The following FSTL5 variants were observed in gnomAD, a reference collection of about 807,000 sequenced individuals.
FSTL5 encodes follistatin-related protein 5.
In FSTL5, 62 loss-of-function variants were observed where a neutral mutation model predicts 89.1. The observed-to-expected ratio is 0.70, with a 90% confidence interval of 0.57 to 0.86. FSTL5 has a LOEUF of 0.86. FSTL5 is among the 40% of genes least tolerant of loss of function. The pLI is 0.00. For synonymous variants in FSTL5, 383 were observed against 346.2 expected, an observed-to-expected ratio of 1.11 and a Z score of -1.18; for missense variants, 1,057 against 1,001.6, an observed-to-expected ratio of 1.06 and a Z score of -0.75.
intron 1 of FSTL5, among the ~76,000 whole-genome samples, chr4:162,127,869 C>A (rs1343781221): frequency 6.6e-6 from 1 of 152,042 alleles, no homozygotes; most frequent in Non-Finnish European, 1.5e-5. Flanking sequence ...ATTGGAAGAT[C>A]ATTAATGGAA....
intron 4 of FSTL5, among the ~76,000 whole-genome samples, chr4:161,834,414 C>A (rs923841954): frequency 4.6e-5 from 7 of 152,146 alleles, no homozygotes; most frequent in African/African-American, 1.7e-4. Context: ...CCCTCTCTCA[C>A]CACTCCTATT....
chr4:162,118,808 T>G (rs1731747909), intron 1 of FSTL5, among the ~76,000 whole-genome samples: 1 of 151,974 alleles, frequency 6.6e-6, no homozygotes, highest in Non-Finnish European at 1.5e-5. Context: ...CAGATGGTAC[T>G]TAATTCTCCA....
At chr4:162,124,763 G>A (rs958677020) in intron 1 of FSTL5, among the ~76,000 whole-genome samples, 2 of 152,010 alleles carry the variant, frequency 1.3e-5, no homozygotes, top group East Asian at 1.9e-4. Flanking sequence ...GCAGTGGTGC[G>A]ATCTCAGCTC....
chr4:161,860,708 C>G (rs1414124843), intron 4 of FSTL5, among the ~76,000 whole-genome samples: 1 of 152,014 alleles, frequency 6.6e-6, no homozygotes, highest in African/African-American at 2.4e-5. Context: ...GGGAGTAAAG[C>G]CTTTATTTTT....
At chr4:161,736,807 C>A (rs142709130) in intron 6 of FSTL5, among the ~76,000 whole-genome samples, 1 of 151,980 alleles carries the variant, frequency 6.6e-6, no homozygotes, top group Non-Finnish European at 1.5e-5. Flanking sequence ...TCTGTGGATA[C>A]GTGATCCTGT....
intron 2 of FSTL5, among the ~76,000 whole-genome samples, chr4:162,038,348 A>C (rs1737817710): frequency 1.3e-5 from 2 of 152,008 alleles, no homozygotes; most frequent in Admixed American, 1.3e-4. Context: ...TAAAAGCTTT[A>C]GCAGACAGTA....
At chr4:161,779,668 G>C (rs1412733924) in intron 4 of FSTL5, among the ~76,000 whole-genome samples, 1 of 149,630 alleles carries the variant, frequency 6.7e-6, no homozygotes, top group Non-Finnish European at 1.5e-5. Flanking sequence ...CTCATTTTCA[G>C]AACTCAGTTT....
intron 3 of FSTL5, among the ~76,000 whole-genome samples, chr4:161,952,681 T>C (rs1018518442): frequency 1.3e-5 from 2 of 151,956 alleles, no homozygotes; most frequent in Non-Finnish European, 2.9e-5. Context: ...AATGCATTTT[T>C]AATTTAACAA....
At chr4:162,143,717 TAC>T (rs138130575) in intron 1 of FSTL5, among the ~76,000 whole-genome samples, 648 of 5,920 alleles carry the variant, frequency 0.11, 7 homozygotes, top group African/African-American at 0.15. Flanking sequence ...TATCTGACTT[TAC>T]ACACACACAC....
intron 4 of FSTL5, among the ~76,000 whole-genome samples, chr4:161,872,355 A>G (rs1732303046): frequency 6.6e-6 from 1 of 152,098 alleles, no homozygotes; most frequent in South Asian, 2.1e-4. Context: ...TATATTGCTT[A>G]GTTGAAAAAT....
At chr4:161,391,068 G>A (rs891744634) in intron 15 of FSTL5, among the ~76,000 whole-genome samples, 3 of 152,118 alleles carry the variant, frequency 2.0e-5, no homozygotes, top group African/African-American at 4.8e-5. Flanking sequence ...TGAGGAATGG[G>A]TTAGCCAAAC....
chr4:161,968,468 G>T (rs1735387055), intron 3 of FSTL5, among the ~76,000 whole-genome samples: 1 of 152,024 alleles, frequency 6.6e-6, no homozygotes, highest in Non-Finnish European at 1.5e-5. Context: ...ACTTTTATAT[G>T]CAGTAGAGCA....
Position 161,765,307 on chromosome 4 carries a change from TC to T in FSTL5, c.607-5777del, listed in dbSNP as rs1220046620. Among the ~76,000 whole-genome samples, 4 of 152,348 alleles carry T rather than the reference TC, an allele frequency of 2.6e-5. No individual in the cohort carries two copies. In the East Asian group the frequency reaches 7.7e-4, roughly 29 times the overall value. ...GCATTCCCTGGAAATTCTCACTTAA[TC>T]TCACTCTTCTATCCATACAAGTGCT... is the stretch of plus-strand genomic sequence containing the variant. On this transcript the variant is annotated intron_variant, in intron 5 of 15. Transcript: ENST00000306100.
chr4:161,826,349 T>G lies in FSTL5; in HGVS notation c.410-50275A>C, dbSNP rs547767950. On this transcript the variant is annotated intron_variant, in intron 4 of 15. Coordinates refer to ENST00000306100, the MANE Select transcript of FSTL5 (RefSeq NM_020116.5). ...GTGTTGATGAATAGAATGTATATTCTGCAGTTGTTTGGTAGAATGTTCTAT... is the reference window on the plus strand; with the variant it reads ...GTGTTGATGAATAGAATGTATATTCGGCAGTTGTTTGGTAGAATGTTCTAT... 3.3e-5 allele frequency among the ~76,000 whole-genome samples: 5 copies of G among 152,330 alleles called. No individual in the cohort carries two copies. In the South Asian group the frequency reaches 1.0e-3, roughly 32 times the overall value.
At chr4:161,769,070 C>A (rs1197218075) in intron 5 of FSTL5, among the ~76,000 whole-genome samples, 1 of 151,748 alleles carries the variant, frequency 6.6e-6, no homozygotes, top group Non-Finnish European at 1.5e-5. Context: ...CAACTATATG[C>A]CAATAAATTG....
intron 12 of FSTL5, among the ~76,000 whole-genome samples, chr4:161,496,471 G>A (rs1730072410): frequency 3.3e-5 from 5 of 152,100 alleles, no homozygotes; most frequent in Admixed American, 3.3e-4. Context: ...ATCAGTTGAA[G>A]GAATTAAGAG....
chr4:161,407,528 A>G (rs1731427926), intron 15 of FSTL5, among the ~76,000 whole-genome samples: 1 of 151,964 alleles, frequency 6.6e-6, no homozygotes, highest in Admixed American at 6.6e-5. Flanking sequence ...AGGATTGCCT[A>G]CTCTCACTGT....
At chr4:161,431,419 T>C (rs182226674) in intron 15 of FSTL5, among the ~76,000 whole-genome samples, 1 of 151,756 alleles carries the variant, frequency 6.6e-6, no homozygotes, top group East Asian at 1.9e-4. Flanking sequence ...TTAAAAGATA[T>C]TATTTGTAAG....
intron 2 of FSTL5, chr4:162,042,236 G>A (rs536566105): frequency 6.6e-6 from 1 of 152,046 alleles, no homozygotes; most frequent in Admixed American, 6.6e-5. Context: ...TCCCATTATG[G>A]GAAATATTAC....
Sources: gnomAD v4.1 joint callset for allele counts (sites outside exome capture counted in the v4.1 genomes callset) on GRCh38, gnomAD v4.1.1 for gene constraint, MANE v1.5 for transcripts, NCBI Gene and HGNC (gene_info 2026-07-23, HGNC 2026-07-21) for gene names.